Variants in LRRTM4 observed in about 807,000 individuals in gnomAD.
LRRTM4 encodes leucine rich repeat transmembrane neuronal 4.
LRRTM4 carries 25 observed loss-of-function variants against 47.6 expected under a neutral mutation model. The observed-to-expected ratio is 0.53, with a 90% CI of 0.38 to 0.73. The LOEUF (loss-of-function observed/expected upper bound fraction) is 0.73. Ranked by LOEUF, LRRTM4 falls within the 30% of genes least tolerant of loss-of-function variation. The pLI, the probability that LRRTM4 is intolerant of heterozygous loss-of-function variation, is 0.00. For missense variants in LRRTM4, 638 were observed against 713.4 expected, an observed-to-expected ratio of 0.89 and a Z score of 1.20; for synonymous variants, 311 against 269.5, an observed-to-expected ratio of 1.15 and a Z score of -1.51.
intron 3 of LRRTM4, among the ~76,000 whole-genome samples, chr2:76,769,770 G>A (rs1673613041): frequency 1.3e-5 from 2 of 152,062 alleles, no homozygotes; most frequent in Admixed American, 1.3e-4. Context: ...CAGATCAGTT[G>A]TTTCACGGAA....
chr2:77,398,161 CA>C (rs1375944768), intron 3 of LRRTM4, among the ~76,000 whole-genome samples: 1 of 151,848 alleles, frequency 6.6e-6, no homozygotes, highest in African/African-American at 2.4e-5. Flanking sequence ...AAATGCAAAT[CA>C]TGTTCTTCTA....
intron 3 of LRRTM4, among the ~76,000 whole-genome samples, chr2:77,034,242 G>A (rs1678761869): frequency 1.3e-5 from 2 of 151,746 alleles, no homozygotes; most frequent in South Asian, 4.1e-4. Flanking sequence ...ATATTATAAG[G>A]TAAACATCCT....
intron 3 of LRRTM4, among the ~76,000 whole-genome samples, chr2:77,010,699 A>G (rs1677840662): frequency 6.6e-6 from 1 of 152,144 alleles, no homozygotes; most frequent in African/African-American, 2.4e-5. Flanking sequence ...TCAAAACTGT[A>G]TCTGCCTTCT....
Position 77,157,726 on chromosome 2 carries a change from G to C in LRRTM4, c.1551+360592C>G, listed in dbSNP as rs7599583. Among the ~76,000 whole-genome samples, 1,179 of 152,114 alleles carry C rather than the reference G, an allele frequency of 7.8e-3. 15 individuals are homozygous for C. The highest frequency in any genetic ancestry group is 0.027 in the African/African-American group (1,107 of 41,500). Reference sequence around the variant, plus strand: ...TCATTATTAAGATATTTATGTTTGTGATCCTTATGGAAGAAAACCCCACCA... The same window carrying C: ...TCATTATTAAGATATTTATGTTTGTCATCCTTATGGAAGAAAACCCCACCA... On this transcript the variant is annotated intron_variant, in intron 3 of 3. Transcript: ENST00000409884.
chr2:77,265,587 T>C (rs1378995757), intron 3 of LRRTM4, among the ~76,000 whole-genome samples: 1 of 152,092 alleles, frequency 6.6e-6, no homozygotes, highest in Non-Finnish European at 1.5e-5. Flanking sequence ...AAATTATCCA[T>C]CTGTGGCATT....
rs1403184350 is a variant in LRRTM4, at chr2:76,779,501, T to A, written c.1552-30585A>T. Among the ~76,000 whole-genome samples the A allele has an allele frequency of 2.1e-5, 3 of 143,466 alleles. No homozygotes were observed. In the Admixed American group the frequency reaches 2.1e-4, roughly 10 times the overall value. 94.1% of individuals were successfully genotyped at this position (143,466 alleles called of 152,430 possible). ...TAGCTCTTCTTGTTGAATTGATCCC[T>A]TTACCATCATGTAATGGCCTTCACT... is the stretch of plus-strand genomic sequence containing the variant. On this transcript the variant is annotated intron_variant, in intron 3 of 3. Coordinates refer to ENST00000409884, the MANE Select transcript of LRRTM4 (RefSeq NM_001134745.3).
rs767314443 is a variant in LRRTM4, at chr2:76,748,811, C to T, written c.1657G>A (p.Val553Met). ...PLHVTKGYETVSPEQDESPGL... is the reference protein window; with the variant it reads ...PLHVTKGYETMSPEQDESPGL... ...GGGCTTTCGTCCTGCTCTGGAGACA[C>T]TGTCTCATAGCCCTTGGTGACATGG... is the stretch of plus-strand genomic sequence containing the variant. Residue 553 changes from valine (V) to methionine (M), a missense_variant, in exon 4 of 4, where the codon GTG becomes ATG. Coordinates refer to ENST00000409884, the MANE Select transcript of LRRTM4 (RefSeq NM_001134745.3). 3.7e-6 allele frequency: 6 copies of T among 1,614,058 alleles called. No homozygotes were observed. Among genetic ancestry groups the T allele is most frequent in the Non-Finnish European group, 5.1e-6 (6 of 1,179,910 alleles).
intron 3 of LRRTM4, among the ~76,000 whole-genome samples, chr2:76,998,666 G>A (rs1295486286): frequency 6.7e-6 from 1 of 149,102 alleles, no homozygotes; most frequent in Non-Finnish European, 1.5e-5. Context: ...GTATCCCGTT[G>A]GAGAGAAAAA....
rs113049547 is a variant in LRRTM4 at position 77,310,329 on chromosome 2, CAT to C, written c.1551+207987_1551+207988del. 1.6e-4 allele frequency among the ~76,000 whole-genome samples: 24 copies of C among 150,508 alleles called. No individual in the cohort carries two copies. In the East Asian group the frequency reaches 2.7e-3, roughly 17 times the overall value. On this transcript the variant is annotated intron_variant, in intron 3 of 3. Transcript: ENST00000409884. ...ACACACACATATATACACACACATA[CAT>C]ATATATATATATAAATTTGAAAATA...
chr2:77,092,215 C>A (rs892631714), intron 3 of LRRTM4, among the ~76,000 whole-genome samples: 5 of 152,156 alleles, frequency 3.3e-5, no homozygotes, highest in African/African-American at 1.2e-4. Flanking sequence ...TTGTTCCTGA[C>A]CCAGACTTCA....
chr2:77,344,325 A>G (rs1671482993), intron 3 of LRRTM4, among the ~76,000 whole-genome samples: 1 of 152,012 alleles, frequency 6.6e-6, no homozygotes, highest in African/African-American at 2.4e-5. Flanking sequence ...TTTAGGAAGA[A>G]GGGTAAACAC....
chr2:76,894,399 A>G (rs185670739), intron 3 of LRRTM4, among the ~76,000 whole-genome samples: 178 of 152,172 alleles, frequency 1.2e-3, no homozygotes, highest in Middle Eastern at 3.4e-3. Context: ...TATCTAGCTA[A>G]AAGGTATTTT....
chr2:77,218,585 A>G (rs1674526354), intron 3 of LRRTM4, among the ~76,000 whole-genome samples: 1 of 152,028 alleles, frequency 6.6e-6, no homozygotes, highest in Non-Finnish European at 1.5e-5. Flanking sequence ...TCTCACCAAT[A>G]TTTAATGAAA....
At chr2:77,437,549 A>G (rs1447880533) in intron 3 of LRRTM4, among the ~76,000 whole-genome samples, 1 of 152,144 alleles carries the variant, frequency 6.6e-6, no homozygotes, top group African/African-American at 2.4e-5. Context: ...AATTGGAATA[A>G]AAGTATACTT....
chr2:77,314,242 G>C (rs980702816), intron 3 of LRRTM4, among the ~76,000 whole-genome samples: 3 of 152,010 alleles, frequency 2.0e-5, no homozygotes, highest in African/African-American at 4.8e-5. Context: ...TCATACTGTA[G>C]GTACATTTTT....
At chr2:77,498,722 T>G (rs148710315) in intron 3 of LRRTM4, among the ~76,000 whole-genome samples, 2,487 of 151,944 alleles carry the variant, frequency 0.016, 74 homozygotes, top group African/African-American at 0.056. Context: ...TCTTTAAGCC[T>G]ATAGTACTAC....
intron 3 of LRRTM4, among the ~76,000 whole-genome samples, chr2:77,417,659 A>C (rs1383434106): frequency 6.6e-6 from 1 of 151,868 alleles, no homozygotes; most frequent in Non-Finnish European, 1.5e-5. Context: ...AAACTATCAC[A>C]AGGACAAAAA....
At chr2:77,012,627 A>T (rs576193027) in intron 3 of LRRTM4, among the ~76,000 whole-genome samples, 1 of 152,304 alleles carries the variant, frequency 6.6e-6, no homozygotes, top group Non-Finnish European at 1.5e-5. Context: ...TAGAACTAGA[A>T]ATCCCTTTTC....
intron 3 of LRRTM4, among the ~76,000 whole-genome samples, chr2:77,338,820 T>A (rs1671259820): frequency 6.6e-6 from 1 of 152,024 alleles, no homozygotes; most frequent in South Asian, 2.1e-4. Flanking sequence ...TGCAGCACTA[T>A]TCACAATAGC....
Sources: gnomAD v4.1 joint callset for allele counts (sites outside exome capture counted in the v4.1 genomes callset) on GRCh38, gnomAD v4.1.1 for gene constraint, MANE v1.5 for transcripts, NCBI Gene and HGNC (gene_info 2026-07-23, HGNC 2026-07-21) for gene names.